The following L3MBTL3 variants were observed in gnomAD, a reference collection of about 807,000 sequenced individuals.
The protein encoded by L3MBTL3 is L3MBTL histone methyl-lysine binding protein 3, also known as lethal(3)malignant brain tumor-like protein 3.
L3MBTL3 carries 27 observed loss-of-function variants against 102.3 expected under a neutral mutation model. The ratio of observed to expected loss-of-function variants is 0.26; its 90% CI spans 0.19 to 0.36. L3MBTL3 has a LOEUF of 0.36. L3MBTL3 is among the 10% of genes least tolerant of loss of function. The probability of loss-of-function intolerance (pLI) is 1.00; values close to 1 mark genes in which losing one functional copy is unlikely to be tolerated. For synonymous variants in L3MBTL3, 340 were observed against 320.9 expected, an observed-to-expected ratio of 1.06 and a Z score of -0.64; for missense variants, 798 against 955.3, an observed-to-expected ratio of 0.84 and a Z score of 2.17.
chr6:130,128,728 G>A (rs974628454), intron 20 of L3MBTL3, among the ~76,000 whole-genome samples: 1 of 152,194 alleles, frequency 6.6e-6, no homozygotes, highest in Non-Finnish European at 1.5e-5. Flanking sequence ...ACTTGGAATT[G>A]TGGAGTCAGT....
intron 14 of L3MBTL3, among the ~76,000 whole-genome samples, chr6:130,081,544 G>T (rs1783349123): frequency 6.6e-6 from 1 of 150,376 alleles, no homozygotes; most frequent in Non-Finnish European, 1.5e-5. Flanking sequence ...TAAGCCTCCT[G>T]AGTAGCTGGG....
chr6:130,038,484 C>T (rs994927690), intron 2 of L3MBTL3, among the ~76,000 whole-genome samples: 2 of 151,582 alleles, frequency 1.3e-5, no homozygotes, highest in African/African-American at 4.8e-5. Flanking sequence ...ATGATATCTC[C>T]TTGTGGTTTT....
intron 18 of L3MBTL3, among the ~76,000 whole-genome samples, chr6:130,094,987 A>T (rs1203750801): frequency 1.3e-5 from 2 of 152,178 alleles, no homozygotes; most frequent in Non-Finnish European, 2.9e-5. Context: ...TGGGAGGATC[A>T]CTTGAGGCCA....
intron 7 of L3MBTL3, among the ~76,000 whole-genome samples, chr6:130,053,804 T>C (rs541296514): frequency 9.3e-4 from 141 of 152,290 alleles, no homozygotes; most frequent in African/African-American, 3.1e-3. Flanking sequence ...GATCTGGAAG[T>C]GTTTCCGTTG....
chr6:130,062,563 T>TTA (rs1376252695), intron 10 of L3MBTL3, among the ~76,000 whole-genome samples: 1 of 150,084 alleles, frequency 6.7e-6, no homozygotes, highest in African/African-American at 2.4e-5. Flanking sequence ...AAATTTTTTT[T>TTA]TTTTTTTTTT....
intron 19 of L3MBTL3, among the ~76,000 whole-genome samples, chr6:130,120,504 A>G (rs1160801592): frequency 6.6e-6 from 1 of 152,214 alleles, no homozygotes; most frequent in Admixed American, 6.6e-5. Context: ...GATTTAGTTC[A>G]ATGGTGTGGA....
intron 22 of L3MBTL3, chr6:130,137,944 C>A (rs1009105041): frequency 4.6e-5 from 7 of 152,216 alleles, no homozygotes; most frequent in African/African-American, 1.4e-4. Context: ...ATTTCTCATA[C>A]CTGCCGCTTA....
chr6:130,131,961 G>T (rs1787092967), intron 20 of L3MBTL3, among the ~76,000 whole-genome samples: 1 of 152,186 alleles, frequency 6.6e-6, no homozygotes, highest in Admixed American at 6.5e-5. Context: ...ATCTGGGAAT[G>T]CAGTTGTCTC....
chr6:130,055,394 A>AT, intron 8 of L3MBTL3, 139 bp downstream of exon 8: 1 of 648,070 alleles, frequency 1.5e-6, no homozygotes, highest in South Asian at 2.0e-5. Context: ...AAGATTTGAG[A>AT]TTTTGAGGAT....
rs752562904 is a variant in L3MBTL3, at chr6:130,094,261, A to G, written c.1634-4A>G. The G allele has an allele frequency of 1.2e-6, 2 of 1,609,838 alleles. No individual in the cohort carries two copies. Among genetic ancestry groups the G allele is most frequent in the Non-Finnish European group, 1.7e-6 (2 of 1,177,158 alleles). On this transcript the variant is annotated splice_region_variant and splice_polypyrimidine_tract_variant and intron_variant, in intron 17 of 22. Coordinates refer to ENST00000361794, the MANE Select transcript of L3MBTL3 (RefSeq NM_032438.4). Reference sequence around the variant, plus strand: ...CCTTCTTTCTTTTCTTTGCTCTTTCATAGGCCCCTTAGAATTAATGGAAGC... The same window carrying G: ...CCTTCTTTCTTTTCTTTGCTCTTTCGTAGGCCCCTTAGAATTAATGGAAGC...
chr6:130,121,328 T>A (rs886624986), intron 20 of L3MBTL3, among the ~76,000 whole-genome samples: 1 of 152,062 alleles, frequency 6.6e-6, no homozygotes, highest in Non-Finnish European at 1.5e-5. Flanking sequence ...CATGCAGTAC[T>A]TTTTTTTCTG....
chr6:130,066,322 A>C, intron 10 of L3MBTL3, 31 bp from the exon 11 acceptor site: 1 of 1,340,976 alleles, frequency 7.5e-7, no homozygotes, highest in Non-Finnish European at 1.0e-6. Flanking sequence ...TGAGTTAAAA[A>C]AAATAATTCA....
At chr6:130,135,112 C>T (rs1210852923) in intron 22 of L3MBTL3, among the ~76,000 whole-genome samples, 5 of 131,024 alleles carry the variant, frequency 3.8e-5, no homozygotes, top group African/African-American at 1.5e-4. Context: ...GAGTCTTGCT[C>T]TTCTCTCCTG....
chr6:130,110,667 A>G lies in L3MBTL3; in HGVS notation c.1886+6092A>G, dbSNP rs143574264. Among the ~76,000 whole-genome samples the G allele has an allele frequency of 3.5e-3, 536 of 152,266 alleles. 2 individuals are homozygous for G. The highest frequency in any genetic ancestry group is 6.6e-3 in the Admixed American group (101 of 15,296). On this transcript the variant is annotated intron_variant, in intron 19 of 22. Transcript: ENST00000361794. ...AGACAATTTGACTTCCTCTCTTCCT[A>G]TTTAAATATGCTTTATTTCTTTCTC...
At chr6:130,073,260 A>G (rs1254986487) in intron 13 of L3MBTL3, among the ~76,000 whole-genome samples, 7 of 152,150 alleles carry the variant, frequency 4.6e-5, no homozygotes, top group Non-Finnish European at 8.8e-5. Flanking sequence ...AATTTCAAAA[A>G]CAGTAAAGAT....
Position 130,057,459 on chromosome 6 carries a change from G to C in L3MBTL3, c.721G>C (p.Glu241Gln). Residue 241 changes from glutamate (E) to glutamine (Q), a missense_variant, in exon 9 of 23, where the codon GAG becomes CAG. Physicochemically the swap from Glu to Gln is conservative, Grantham distance 29. Around this residue, in one of 4 missense-constraint regions of L3MBTL3, gnomAD observed 434 missense variants for 506.6 expected, o/e 0.86. Transcript: ENST00000361794. ...AWCWASYLEE[E>Q]KAVAVPAKLF... ...GTGCTGGGCATCCTACCTGGAAGAGGAGAAAGCGGTGGCAGTGCCGGCGAA... is the reference window on the plus strand; with the variant it reads ...GTGCTGGGCATCCTACCTGGAAGAGCAGAAAGCGGTGGCAGTGCCGGCGAA... 6.2e-7 allele frequency: 1 copy of C among 1,611,266 alleles called. No homozygotes were observed. The highest frequency in any genetic ancestry group is 8.5e-7 in the Non-Finnish European group (1 of 1,179,248).
chr6:130,064,749 A>G (rs1782135788), intron 10 of L3MBTL3, among the ~76,000 whole-genome samples: 1 of 152,132 alleles, frequency 6.6e-6, no homozygotes, highest in Non-Finnish European at 1.5e-5. Context: ...CGAGCTAGGT[A>G]TGACTGTGGG....
intron 2 of L3MBTL3, among the ~76,000 whole-genome samples, chr6:130,041,774 T>C (rs1490389688): frequency 6.6e-6 from 1 of 152,322 alleles, no homozygotes; most frequent in East Asian, 1.9e-4. Flanking sequence ...CTTTCTTGTT[T>C]GACAAGATGT....
At chr6:130,047,180 A>C (rs530551362) in intron 3 of L3MBTL3, among the ~76,000 whole-genome samples, 3 of 152,254 alleles carry the variant, frequency 2.0e-5, no homozygotes, top group Middle Eastern at 6.8e-3. Flanking sequence ...TGCACATATC[A>C]TAATTTTGCA....
Sources: allele counts gnomAD v4.1 joint callset (sites outside exome capture counted in the v4.1 genomes callset), GRCh38; gene constraint gnomAD v4.1.1; regional missense constraint gnomAD v4.1.1; transcripts MANE v1.5; gene names NCBI Gene and HGNC (gene_info 2026-07-23, HGNC 2026-07-21).